NSUN6: variants seen among roughly 807,000 people sequenced by gnomAD.
NSUN6 encodes the protein tRNA (cytosine(72)-C(5))-methyltransferase NSUN6.
A neutral mutation model predicts 58.0 loss-of-function variants in NSUN6; 64 were observed. That is an observed-to-expected ratio of 1.10 (90% confidence interval 0.90 to 1.36). NSUN6 has a LOEUF of 1.36. NSUN6 is among the 40% of genes most tolerant of loss of function. The probability of loss-of-function intolerance (pLI) is 0.00; values close to 1 mark genes in which losing one functional copy is unlikely to be tolerated. For synonymous variants in NSUN6, 231 were observed against 193.9 expected (o/e 1.19, Z -1.59); for missense variants, 701 against 550.1 (o/e 1.27, Z -2.74).
In NSUN6 at chr10:18,551,978, A is replaced by G. The variant is rs2054634547; in HGVS notation, c.923-7T>C. On this transcript the variant is annotated splice_region_variant and splice_polypyrimidine_tract_variant and intron_variant, in intron 8 of 10. Transcript: ENST00000377304. ...GGTAGAAATGGAGGTTCTCCTATAA[A>G]GAGAATTATAATCATGTTTACTATC... 6.3e-7 allele frequency: 1 copy of G among 1,575,180 alleles called. No individual in the cohort carries two copies. Among genetic ancestry groups the G allele is most frequent in the East Asian group, 2.2e-5 (1 of 44,562 alleles).
chr10:18,582,578 T>C (rs1209830462), intron 8 of NSUN6, among the ~76,000 whole-genome samples: 3 of 152,194 alleles, frequency 2.0e-5, no homozygotes, highest in Admixed American at 6.5e-5. Flanking sequence ...AGATTACCTA[T>C]GCAAAGGATC....
At chr10:18,657,698 C>T (rs535318459), upstream of NSUN6, among the ~76,000 whole-genome samples, 2 of 152,256 alleles carry the variant, frequency 1.3e-5, no homozygotes, top group East Asian at 1.9e-4. Context: ...CCTGCAACCT[C>T]TGCCTCCCAG....
upstream of NSUN6, chr10:18,653,034 C>T (rs1458326455): frequency 7.1e-6 from 7 of 984,620 alleles, no homozygotes; most frequent in Admixed American, 6.1e-5. Context: ...ATGGCTAAAA[C>T]ATCTGAAAGT....
chr10:18,617,538 G>A (rs766189601), intron 3 of NSUN6, among the ~76,000 whole-genome samples: 26 of 152,180 alleles, frequency 1.7e-4, no homozygotes, highest in African/African-American at 4.6e-4. Context: ...ATATAGAGAC[G>A]TCTCACAGTT....
chr10:18,613,304 C>T (rs192566603), intron 5 of NSUN6, among the ~76,000 whole-genome samples: 1 of 152,164 alleles, frequency 6.6e-6, no homozygotes, highest in African/African-American at 2.4e-5. Context: ...ACCGTGTTGG[C>T]CAGGCTGGTC....
At chr10:18,622,243 G>C (rs1476427755) in intron 3 of NSUN6, among the ~76,000 whole-genome samples, 1 of 152,150 alleles carries the variant, frequency 6.6e-6, no homozygotes, top group Non-Finnish European at 1.5e-5. Flanking sequence ...CGAGACCAAA[G>C]AGCTACCCAC....
At chr10:18,576,310 A>G (rs1433815580) in intron 8 of NSUN6, among the ~76,000 whole-genome samples, 1 of 152,106 alleles carries the variant, frequency 6.6e-6, no homozygotes, top group East Asian at 1.9e-4. Context: ...TCAGAAAAGT[A>G]CCTCTGTCCC....
intron 8 of NSUN6, among the ~76,000 whole-genome samples, chr10:18,554,605 G>A (rs2054846728): frequency 6.6e-6 from 1 of 151,052 alleles, no homozygotes; most frequent in Non-Finnish European, 1.5e-5. Context: ...ATGGACTGTA[G>A]TGGAAAAAGG....
intron 3 of NSUN6, among the ~76,000 whole-genome samples, chr10:18,632,080 G>C (rs2059051227): frequency 1.3e-5 from 2 of 150,406 alleles, no homozygotes; most frequent in Admixed American, 6.6e-5. Context: ...GAACAGAACA[G>C]AGCCCTCAGA....
intron 9 of NSUN6, among the ~76,000 whole-genome samples, chr10:18,549,033 T>G (rs1370973869): frequency 1.3e-5 from 2 of 152,170 alleles, no homozygotes; most frequent in South Asian, 2.1e-4. Flanking sequence ...TTCATCAACC[T>G]GCTTTATTCC....
intron 6 of NSUN6, among the ~76,000 whole-genome samples, chr10:18,600,166 G>C (rs764657166): frequency 5.3e-5 from 8 of 152,082 alleles, no homozygotes; most frequent in Middle Eastern, 3.2e-3. Context: ...GAAGCCACAG[G>C]GGGTATTGGC....
chr10:18,594,672 A>G (rs568245709), intron 7 of NSUN6, among the ~76,000 whole-genome samples: 11 of 152,134 alleles, frequency 7.2e-5, no homozygotes, highest in Admixed American at 3.9e-4. Flanking sequence ...GATGGTCTCG[A>G]TCTCTTAACC....
At position 18,562,783 on chromosome 10, in the gene NSUN6, G is replaced by GGA. The variant is rs1564723356; in HGVS notation, c.923-10814_923-10813dup. Among the ~76,000 whole-genome samples, 9 of 28,390 alleles carry GGA rather than the reference G, an allele frequency of 3.2e-4. No individual in the cohort carries two copies. The East Asian group carries it at 0.014, about 45-fold the overall frequency. The allele number at this position is 28,390 out of a possible 152,430, so 18.6% of individuals were successfully genotyped here. A position where few individuals can be genotyped will look rare whatever the true frequency, so the allele number is the denominator to read the frequency against. ...TGGACAATGGAATGGAATGGATAAT[G>GGA]GAATGGAATGGAGTGGAGAATGGAA... On this transcript the variant is annotated intron_variant, in intron 8 of 10. Transcript: ENST00000377304.
chr10:18,562,836 T>C (rs1369214721), intron 8 of NSUN6, among the ~76,000 whole-genome samples: 1 of 109,622 alleles, frequency 9.1e-6, no homozygotes, highest in African/African-American at 3.7e-5. Flanking sequence ...TGGAATGAAA[T>C]GGAGCGTGGA....
intron 8 of NSUN6, among the ~76,000 whole-genome samples, chr10:18,570,457 T>A (rs1211374422): frequency 6.6e-6 from 1 of 151,030 alleles, no homozygotes; most frequent in East Asian, 2.0e-4. Context: ...TCCATTCCAT[T>A]CCATTCTCCA....
Position 18,548,130 on chromosome 10 carries a change from G to C in NSUN6, c.1179C>G (p.Cys393Trp). The C allele has an allele frequency of 1.9e-6, 3 of 1,613,808 alleles. No homozygotes were observed. Among genetic ancestry groups the C allele is most frequent in the Non-Finnish European group, 2.5e-6 (3 of 1,179,862 alleles). Residue 393 changes from cysteine (C) to tryptophan (W), a missense_variant, in exon 10 of 11, where the codon TGC becomes TGG. By Grantham distance (215) the Cys-to-Trp change is radical (BLOSUM62 -2). Coordinates refer to ENST00000377304, the MANE Select transcript of NSUN6 (RefSeq NM_182543.5). ...CTCCTACCTGGGGCTGAAGCTGAAG[G>C]CAAGGAAATTTTGTCAGGGCCCAGG... is the stretch of plus-strand genomic sequence containing the variant. ...QVAWALTKFP[C>W]LQLQPQEPQI... is the part of the protein sequence containing the mutation.
chr10:18,653,669 A>G (rs1292342519), upstream of NSUN6, among the ~76,000 whole-genome samples: 1 of 152,170 alleles, frequency 6.6e-6, no homozygotes, highest in East Asian at 1.9e-4. Context: ...CACCACACCC[A>G]GCCATTTAGA....
chr10:18,636,173 C>T (rs1045111071), intron 3 of NSUN6, among the ~76,000 whole-genome samples: 5 of 151,870 alleles, frequency 3.3e-5, no homozygotes, highest in African/African-American at 4.8e-5. Context: ...TAACGCAGTA[C>T]ATAAGAGGTA....
intron 9 of NSUN6, among the ~76,000 whole-genome samples, chr10:18,550,376 A>T (rs1030558238): frequency 6.6e-6 from 1 of 152,208 alleles, no homozygotes; most frequent in Non-Finnish European, 1.5e-5. Context: ...ATGAAAGGAA[A>T]CACCAGGAGA....
Sources: allele counts gnomAD v4.1 joint callset (sites outside exome capture counted in the v4.1 genomes callset), GRCh38; gene constraint gnomAD v4.1.1; transcripts MANE v1.5; gene names NCBI Gene and HGNC (gene_info 2026-07-23, HGNC 2026-07-21).